The following VIT variants were observed in gnomAD, a reference collection of about 807,000 sequenced individuals.
VIT encodes vitrin.
In VIT, 99 loss-of-function variants were observed where a neutral mutation model predicts 78.0. That is an observed-to-expected ratio of 1.27 (90% CI 1.08 to 1.50). VIT has a LOEUF of 1.50. VIT is among the 40% of genes most tolerant of loss of function. The pLI is 0.00. For missense variants in VIT, 1,126 were observed against 875.3 expected (o/e 1.29, Z -3.61); for synonymous variants, 374 against 334.3 (o/e 1.12, Z -1.29).
At chr2:36,783,475 C>T (rs1279323905) in intron 11 of VIT, 73 bp downstream of exon 11, 5 of 1,465,556 alleles carry the variant, frequency 3.4e-6, no homozygotes, top group Admixed American at 1.8e-5. Context: ...TTCCCACTCA[C>T]TCCCACTCAA....
intron 9 of VIT, among the ~76,000 whole-genome samples, chr2:36,776,916 C>T (rs988702973): frequency 3.0e-4 from 45 of 150,798 alleles, no homozygotes; most frequent in African/African-American, 7.0e-4. Context: ...GGTGAAACTC[C>T]GTCTCTACTA....
At chr2:36,724,925 G>A (rs922749326) in intron 2 of VIT, among the ~76,000 whole-genome samples, 1 of 152,106 alleles carries the variant, frequency 6.6e-6, no homozygotes, top group African/African-American at 2.4e-5. Context: ...TTCTATGTAT[G>A]TATTTAGTGC....
chr2:36,803,941 C>G (rs1359036047), intron 13 of VIT, among the ~76,000 whole-genome samples: 1 of 152,152 alleles, frequency 6.6e-6, no homozygotes, highest in East Asian at 1.9e-4. Flanking sequence ...AGGTTAAGAG[C>G]TCTGCCTACT....
intron 11 of VIT, among the ~76,000 whole-genome samples, chr2:36,785,015 GA>G (rs1315469847): frequency 2.0e-5 from 3 of 152,166 alleles, no homozygotes; most frequent in African/African-American, 7.2e-5. Flanking sequence ...CGTTAATCCT[GA>G]AAACAATTCC....
intron 1 of VIT, among the ~76,000 whole-genome samples, chr2:36,705,508 C>A (rs147242158): frequency 1.3e-5 from 2 of 152,122 alleles, no homozygotes; most frequent in Non-Finnish European, 2.9e-5. Context: ...CCAAAAAAGG[C>A]TTTCCCTTTT....
At chr2:36,790,519 G>A (rs1349393143) in intron 12 of VIT, among the ~76,000 whole-genome samples, 6 of 152,108 alleles carry the variant, frequency 3.9e-5, no homozygotes, top group South Asian at 2.1e-4. Flanking sequence ...TCACAATCAC[G>A]TTAACCTGTC....
chr2:36,715,711 T>C (rs1013252488), intron 1 of VIT, among the ~76,000 whole-genome samples: 1 of 152,162 alleles, frequency 6.6e-6, no homozygotes, highest in African/African-American at 2.4e-5. Flanking sequence ...TCAGAATTTT[T>C]TTAAACTCCC....
intron 9 of VIT, 47 bp from the exon 10 acceptor site, chr2:36,781,680 G>C (rs779762176): frequency 2.5e-6 from 4 of 1,603,684 alleles, no homozygotes; most frequent in Non-Finnish European, 3.4e-6. Context: ...GTTTCTGCTG[G>C]TTTGGTTTAA....
intron 6 of VIT, among the ~76,000 whole-genome samples, chr2:36,763,034 A>C (rs1469208889): frequency 6.6e-6 from 1 of 152,230 alleles, no homozygotes. Context: ...CTAGGAAGGC[A>C]CATTCCTAGT....
intron 3 of VIT, among the ~76,000 whole-genome samples, chr2:36,736,283 T>C (rs1233241927): frequency 6.6e-6 from 1 of 152,244 alleles, no homozygotes; most frequent in East Asian, 1.9e-4. Context: ...AAGGTAGTCA[T>C]AATACCTTAT....
rs778017607 is a variant in VIT, at chr2:36,808,729, C to T, written c.1647C>T (p.Ile549=). 1.6e-5 allele frequency: 26 copies of T among 1,614,106 alleles called. No homozygotes were observed. Among genetic ancestry groups the T allele is most frequent in the South Asian group, 1.5e-4 (14 of 91,090 alleles). ...EFEISDTDTR[I]GAVQYTYEQR... is the part of the protein sequence containing the mutation. ...AGATTTCCGACACGGACACGCGCAT[C>T]GGGGCCGTGCAGTACACCTACGAAC... Residue 549 remains isoleucine (I), a synonymous_variant, in exon 15 of 16, where the codon ATC becomes ATT. Transcript: ENST00000379242.
chr2:36,704,657 C>T (rs1280739191), intron 1 of VIT, among the ~76,000 whole-genome samples: 1 of 152,138 alleles, frequency 6.6e-6, no homozygotes, highest in Non-Finnish European at 1.5e-5. Context: ...TCCTCCACAG[C>T]CCTCAATTCC....
rs1261649761 is a variant in VIT, at chr2:36,814,573, G to T, written c.*212G>T. The T allele has an allele frequency of 1.0e-5, 6 of 573,020 alleles. No individual in the cohort carries two copies. Among genetic ancestry groups the T allele is most frequent in the South Asian group, 6.2e-5 (2 of 32,326 alleles). 35.5% of individuals were successfully genotyped at this position (573,020 alleles called of 1,614,324 possible). A position where few individuals can be genotyped will look rare whatever the true frequency, so the allele number is the denominator to read the frequency against. On this transcript the variant is annotated 3_prime_UTR_variant, in exon 16 of 16. Coordinates refer to ENST00000379242, the MANE Select transcript of VIT (RefSeq NM_053276.4). ...ACAAACGTATAGAATGAGCCAAAAGGCTACATCATGTTGAGGGTGCTGGAG... is the reference window on the plus strand; with the variant it reads ...ACAAACGTATAGAATGAGCCAAAAGTCTACATCATGTTGAGGGTGCTGGAG...
chr2:36,759,059 G>T lies in VIT; in HGVS notation c.487+13G>T, dbSNP rs371587076. ...GCTGCCCAAGCAGGCAAGTGCTCACGTGTGATTGAATCTAAACCTTCTGAG... is the reference window on the plus strand; with the variant it reads ...GCTGCCCAAGCAGGCAAGTGCTCACTTGTGATTGAATCTAAACCTTCTGAG... On this transcript the variant is annotated intron_variant, in intron 6 of 15. Coordinates refer to ENST00000379242, the MANE Select transcript of VIT (RefSeq NM_053276.4). The T allele has an allele frequency of 6.2e-7, 1 of 1,614,064 alleles. No individual in the cohort carries two copies.
At chr2:36,702,250 G>C (rs1307776690) in intron 1 of VIT, among the ~76,000 whole-genome samples, 1 of 152,066 alleles carries the variant, frequency 6.6e-6, no homozygotes, top group Non-Finnish European at 1.5e-5. Context: ...GAGCAGGAAA[G>C]GGAAGCCCAA....
intron 11 of VIT, among the ~76,000 whole-genome samples, chr2:36,784,208 G>C (rs1319426238): frequency 6.6e-6 from 1 of 152,234 alleles, no homozygotes; most frequent in African/African-American, 2.4e-5. Flanking sequence ...GGTATGGAAA[G>C]AAAGCACCTG....
chr2:36,809,974 G>C (rs577468146), intron 15 of VIT, among the ~76,000 whole-genome samples: 2 of 115,644 alleles, frequency 1.7e-5, no homozygotes, highest in Admixed American at 2.1e-4. Context: ...CTGGGCAACA[G>C]AGCAAGATCC....
chr2:36,780,867 G>A (rs1203763577), intron 9 of VIT, among the ~76,000 whole-genome samples: 2 of 151,972 alleles, frequency 1.3e-5, no homozygotes, highest in East Asian at 1.9e-4. Context: ...GGAGGGAGAG[G>A]GGCAGAAAGA....
At chr2:36,785,715 G>C (rs1464141098) in intron 11 of VIT, among the ~76,000 whole-genome samples, 1 of 152,134 alleles carries the variant, frequency 6.6e-6, no homozygotes, top group African/African-American at 2.4e-5. Flanking sequence ...CAGGTGCCCT[G>C]ATTCTAGATG....
Sources: gnomAD v4.1 joint callset for allele counts (sites outside exome capture counted in the v4.1 genomes callset) on GRCh38, gnomAD v4.1.1 for gene constraint, MANE v1.5 for transcripts, NCBI Gene and HGNC (gene_info 2026-07-23, HGNC 2026-07-21) for gene names.